Variants in GNE observed in about 807,000 individuals in gnomAD.
GNE encodes glucosamine (UDP-N-acetyl)-2-epimerase/N-acetylmannosamine kinase.
In GNE, 41 loss-of-function variants were observed where a neutral mutation model predicts 61.8. The observed-to-expected ratio is 0.66, with a 90% CI of 0.52 to 0.86. The LOEUF (loss-of-function observed/expected upper bound fraction) is 0.86, where lower values mean the gene tolerates loss of function less well. Ranked by LOEUF, GNE falls within the 40% of genes least tolerant of loss-of-function variation. The pLI, the probability that GNE is intolerant of heterozygous loss-of-function variation, is 0.00. For missense variants in GNE, 608 were observed against 909.1 expected (o/e 0.67, Z 4.26); for synonymous variants, 264 against 326.4 (o/e 0.81, Z 2.06).
At chr9:36,265,516 G>A in intron 1 of GNE, 1 of 456,086 alleles carries the variant, frequency 2.2e-6, no homozygotes, top group South Asian at 1.5e-5. Context: ...AATAAACTGA[G>A]CAATTCATCA....
chr9:36,241,152 G>A (rs1304767520), intron 3 of GNE, among the ~76,000 whole-genome samples: 1 of 148,886 alleles, frequency 6.7e-6, no homozygotes, highest in African/African-American at 2.5e-5. Flanking sequence ...GTCTCACTCT[G>A]TCGCCCAGGT....
chr9:36,238,163 C>T (rs991050305), intron 3 of GNE, among the ~76,000 whole-genome samples: 7 of 151,544 alleles, frequency 4.6e-5, no homozygotes, highest in Non-Finnish European at 1.0e-4. Flanking sequence ...TACACACCAC[C>T]GTTTCTTTAT....
intron 5 of GNE, among the ~76,000 whole-genome samples, chr9:36,232,242 A>G (rs1382668291): frequency 6.6e-6 from 1 of 151,730 alleles, no homozygotes; most frequent in African/African-American, 2.4e-5. Context: ...ACTTTTTTCC[A>G]TCTCTAATAC....
Position 36,246,172 on chromosome 9 carries a change from A to G in GNE, c.475T>C (p.Cys159Arg). 6.2e-7 allele frequency: 1 copy of G among 1,614,182 alleles called. No homozygotes were observed. Among genetic ancestry groups the G allele is most frequent in the Non-Finnish European group, 8.5e-7 (1 of 1,179,972 alleles). ...TGCTGCTCTGCACTGCGGGTGCAGC[A>G]CACATGATAATGAGCCAGTTTTGTT... ...AITKLAHYHV[C>R]CTRSAEQHLI... The change falls in exon 3 of 12, where the codon TGC becomes CGC. Residue 159 changes from cysteine to arginine, a missense_variant. Physicochemically the swap from Cys to Arg is radical, Grantham distance 180 (BLOSUM62 -3). Transcript: ENST00000642385.
intron 3 of GNE, among the ~76,000 whole-genome samples, chr9:36,243,295 T>C (rs1829726842): frequency 6.6e-6 from 1 of 152,160 alleles, no homozygotes; most frequent in African/African-American, 2.4e-5. Flanking sequence ...TCTGCCCACT[T>C]TGGCCTCTCA....
intron 3 of GNE, among the ~76,000 whole-genome samples, chr9:36,238,442 T>C (rs1027347949): frequency 3.3e-5 from 5 of 152,248 alleles, no homozygotes; most frequent in African/African-American, 1.2e-4. Flanking sequence ...ATGGCCATTC[T>C]TACAGGAGTA....
Position 36,249,385 on chromosome 9 carries a change from T to C in GNE, c.-30A>G. The C allele has an allele frequency of 6.2e-7, 1 of 1,606,472 alleles. No individual in the cohort carries two copies. The highest frequency in any genetic ancestry group is 1.3e-5 in the African/African-American group (1 of 74,774). Reference sequence around the variant, plus strand: ...TGCTTGTTTCGTTTTGAGAGGTTCTTAAAATAGAGTTCCTGAAATTGCCAA... The same window carrying C: ...TGCTTGTTTCGTTTTGAGAGGTTCTCAAAATAGAGTTCCTGAAATTGCCAA... On this transcript the variant is annotated 5_prime_UTR_variant, in exon 2 of 12. Coordinates refer to ENST00000642385, the MANE Select transcript of GNE (RefSeq NM_005476.7).
chr9:36,227,289 G>A lies in GNE; in HGVS notation c.1240C>T (p.Leu414Phe). ...GCAACTCGGAGGTTCGTCCCGCCAA[G>A]ATCAACGGCCAAGGCACTTAGAGTT... ...LETLSALAVD[L>F]GGTNLRVAIV... is the part of the protein sequence containing the mutation. The change falls in exon 7 of 12, where the codon CTT becomes TTT. Residue 414 changes from leucine (L) to phenylalanine (F), a missense_variant. Coordinates refer to ENST00000642385, the MANE Select transcript of GNE (RefSeq NM_005476.7). 6.2e-7 allele frequency: 1 copy of A among 1,613,730 alleles called. No homozygotes were observed. The highest frequency in any genetic ancestry group is 8.5e-7 in the Non-Finnish European group (1 of 1,179,678).
chr9:36,222,834 T>C lies in GNE; in HGVS notation c.1576A>G (p.Arg526Gly). ...AGTCCCTTTCCTTGGCCAAATTTCC[T>C]TTCCGCCAGGGCAGCACAGTTGCCA... is the stretch of plus-strand genomic sequence containing the variant. ...NDGNCAALAERKFGQGKGLEN... is the reference protein window; with the variant it reads ...NDGNCAALAEGKFGQGKGLEN... The change falls in exon 9 of 12, where the codon AGG (arginine) becomes GGG (glycine). Residue 526 changes from arginine (R) to glycine (G), a missense_variant. By Grantham distance (125) the Arg-to-Gly change is moderately radical. Coordinates refer to ENST00000642385, the MANE Select transcript of GNE (RefSeq NM_005476.7). 2.5e-6 allele frequency: 4 copies of C among 1,614,212 alleles called. No individual in the cohort carries two copies. The highest frequency in any genetic ancestry group is 3.4e-6 in the Non-Finnish European group (4 of 1,180,030).
At chr9:36,239,826 C>A (rs1829560741) in intron 3 of GNE, among the ~76,000 whole-genome samples, 1 of 151,544 alleles carries the variant, frequency 6.6e-6, no homozygotes, top group Non-Finnish European at 1.5e-5. Flanking sequence ...TCTTTTGACT[C>A]CTTGGTTAGG....
At chr9:36,239,397 T>C (rs1388516914) in intron 3 of GNE, among the ~76,000 whole-genome samples, 1 of 152,104 alleles carries the variant, frequency 6.6e-6, no homozygotes, top group Non-Finnish European at 1.5e-5. Context: ...GCTCTACCCA[T>C]CCATGAGCAT....
chr9:36,232,400 C>G (rs1036497461), intron 5 of GNE, among the ~76,000 whole-genome samples: 2 of 146,476 alleles, frequency 1.4e-5, no homozygotes, highest in Non-Finnish European at 3.0e-5. Flanking sequence ...AAATGCAACT[C>G]TTGTCATGTC....
intron 6 of GNE, 97 bp downstream of exon 6, chr9:36,228,924 G>C: frequency 1.2e-6 from 1 of 817,280 alleles, no homozygotes; most frequent in East Asian, 2.4e-5. Context: ...AAGAAGGAAA[G>C]CTCTGTTAGG....
chr9:36,256,743 G>A (rs1830366587), intron 1 of GNE, among the ~76,000 whole-genome samples: 1 of 152,198 alleles, frequency 6.6e-6, no homozygotes. Flanking sequence ...TCACTGAACA[G>A]AGGAAACAAC....
At chr9:36,265,128 G>A (rs980347854) in intron 1 of GNE, 1 of 285,020 alleles carries the variant, frequency 3.5e-6, no homozygotes, top group South Asian at 3.6e-5. Flanking sequence ...GCTCCCGATC[G>A]GGCTGAAGGC....
chr9:36,228,184 T>C (rs1828980303), intron 6 of GNE, among the ~76,000 whole-genome samples: 2 of 151,894 alleles, frequency 1.3e-5, no homozygotes, highest in South Asian at 4.1e-4. Flanking sequence ...AAATCATAAT[T>C]ATACAGAACT....
At chr9:36,228,269 TTTTTAG>T (rs1828985902) in intron 6 of GNE, among the ~76,000 whole-genome samples, 1 of 151,924 alleles carries the variant, frequency 6.6e-6, no homozygotes, top group Non-Finnish European at 1.5e-5. Flanking sequence ...TTTTTTGCTT[TTTTTAG>T]TTTTTATCTT....
chr9:36,243,217 GT>G (rs750482917), intron 3 of GNE, among the ~76,000 whole-genome samples: 2 of 152,034 alleles, frequency 1.3e-5, no homozygotes, highest in Non-Finnish European at 2.9e-5. Flanking sequence ...GCTGATTTTT[GT>G]ATTTTTTGTA....
intron 3 of GNE, among the ~76,000 whole-genome samples, chr9:36,241,147 ACT>A (rs1370759450): frequency 6.7e-6 from 1 of 148,758 alleles, no homozygotes; most frequent in East Asian, 2.0e-4. Context: ...ACAGAGTCTC[ACT>A]CTGTCGCCCA....
Sources: allele counts gnomAD v4.1 joint callset (sites outside exome capture counted in the v4.1 genomes callset), GRCh38; gene constraint gnomAD v4.1.1; transcripts MANE v1.5; gene names NCBI Gene and HGNC (gene_info 2026-07-23, HGNC 2026-07-21).